Variants in STK36 observed in about 807,000 individuals in gnomAD.
The protein encoded by STK36 is serine/threonine kinase 36.
In STK36, 116 loss-of-function variants were observed where a neutral mutation model predicts 142.2. That is an observed-to-expected ratio of 0.82 (90% CI 0.70 to 0.95). The LOEUF is 0.95. Among genes scored for constraint, STK36 ranks in the 40% least tolerant of loss-of-function variants. The pLI is 0.00. For missense variants in STK36, 1,422 were observed against 1,617.2 expected, an observed-to-expected ratio of 0.88 and a Z score of 2.07; for synonymous variants, 619 against 641.7, an observed-to-expected ratio of 0.96 and a Z score of 0.53.
At position 218,699,182 on chromosome 2, in the gene STK36, C is replaced by T. The variant is rs1318088320; in HGVS notation, c.3638C>T (p.Ala1213Val). 6.2e-7 allele frequency: 1 copy of T among 1,614,112 alleles called. No individual in the cohort carries two copies. Among genetic ancestry groups the T allele is most frequent in the African/African-American group, 1.3e-5 (1 of 75,028 alleles). Residue 1213 changes from alanine to valine, a missense_variant, in exon 26 of 27, where the codon GCA becomes GTA. By Grantham distance (64) the Ala-to-Val change is moderately conservative. Coordinates refer to ENST00000295709, the MANE Select transcript of STK36 (RefSeq NM_015690.5). ...DPQAGIRRNVASALGNLGPEG... is the reference protein window; with the variant it reads ...DPQAGIRRNVVSALGNLGPEG... ...CAGGCTGGTATCCGGCGCAATGTTG[C>T]ATCAGCTCTGGGCAACTTGGGACCT...
Position 218,699,186 on chromosome 2 carries a change from A to G in STK36, c.3642A>G (p.Ser1214=), listed in dbSNP as rs1941354063. Residue 1214 remains serine, a synonymous_variant, in exon 26 of 27, where the codon TCA becomes TCG. Transcript: ENST00000295709. ...PQAGIRRNVA[S]ALGNLGPEGL... is the part of the protein sequence containing the mutation. The stretch of plus-strand genomic sequence containing the variant: ...CTGGTATCCGGCGCAATGTTGCATC[A>G]GCTCTGGGCAACTTGGGACCTGAAG... 2.5e-6 allele frequency: 4 copies of G among 1,614,110 alleles called. No individual in the cohort carries two copies. Among genetic ancestry groups the G allele is most frequent in the East Asian group, 4.5e-5 (2 of 44,856 alleles).
At chr2:218,683,986 A>G (rs1043565498) in intron 10 of STK36, among the ~76,000 whole-genome samples, 25 of 144,340 alleles carry the variant, frequency 1.7e-4, no homozygotes, top group Admixed American at 1.5e-3. Flanking sequence ...TTTTAAAGAG[A>G]CAGAGCCTTA....
chr2:218,690,985 G>A (rs1441328195), intron 14 of STK36, among the ~76,000 whole-genome samples: 1 of 152,130 alleles, frequency 6.6e-6, no homozygotes, highest in East Asian at 1.9e-4. Context: ...TATACAGAAA[G>A]AGTAACATAT....
chr2:218,701,823 T>G, intron 26 of STK36, 43 bp from the exon 27 acceptor site: 2 of 1,604,642 alleles, frequency 1.2e-6, no homozygotes, highest in Non-Finnish European at 1.7e-6. Context: ...CCACCATTTC[T>G]GAGCCTCATG....
At position 218,693,943 on chromosome 2, in the gene STK36, C is replaced by T. The variant is rs1222215013; in HGVS notation, c.2296C>T (p.Leu766Phe). ...EESTEVTLYFLSLLVFRLQNL... is the reference protein window; with the variant it reads ...EESTEVTLYFFSLLVFRLQNL... ...GTCTACTGAAGTGACACTCTACTTCCTCTCCCTTCTTGTCTTTCGGCTCCA... is the reference window on the plus strand; with the variant it reads ...GTCTACTGAAGTGACACTCTACTTCTTCTCCCTTCTTGTCTTTCGGCTCCA... Residue 766 changes from leucine to phenylalanine, a missense_variant, in exon 19 of 27, where the codon CTC becomes TTC. By Grantham distance (22) the Leu-to-Phe change is conservative (BLOSUM62 0). Transcript: ENST00000295709. The T allele has an allele frequency of 6.2e-7, 1 of 1,614,144 alleles. No individual in the cohort carries two copies. The highest frequency in any genetic ancestry group is 8.5e-7 in the Non-Finnish European group (1 of 1,180,032).
At position 218,701,780 on chromosome 2, in the gene STK36, G is replaced by A. The variant is rs1024953824; in HGVS notation, c.3805-86G>A. ...CCTCTTCTCGAGTGGGAATTCCTGG[G>A]TAAATGAGAGTCCTCCGCACCTGCC... On this transcript the variant is annotated intron_variant, in intron 26 of 26. Coordinates refer to ENST00000295709, the MANE Select transcript of STK36 (RefSeq NM_015690.5). 4.7e-6 allele frequency: 7 copies of A among 1,496,844 alleles called. No homozygotes were observed. In the South Asian group the frequency reaches 9.3e-5, roughly 20 times the overall value. 92.7% of individuals were successfully genotyped at this position (1,496,844 alleles called of 1,614,324 possible).
At chr2:218,685,312 A>G (rs1055971473) in intron 11 of STK36, 84 bp downstream of exon 11, 11 of 1,542,386 alleles carry the variant, frequency 7.1e-6, no homozygotes, top group Non-Finnish European at 9.7e-6. Flanking sequence ...CAGGAGAAAG[A>G]GAAAGTTTGT....
rs778462960 is a variant in STK36, at chr2:218,680,576, G to A, written c.1137-27G>A. On this transcript the variant is annotated intron_variant, in intron 9 of 26. Coordinates refer to ENST00000295709, the MANE Select transcript of STK36 (RefSeq NM_015690.5). ...CCTAAGAGTCATAGGTTTGGAACCC[G>A]TTCTACCCCTTGGCTTCCTCCGGCA... The A allele has an allele frequency of 3.0e-5, 48 of 1,593,054 alleles. 1 individual carries two copies. The highest frequency in any genetic ancestry group is 1.9e-4 in the Admixed American group (11 of 57,828).
chr2:218,690,611 C>A, intron 14 of STK36, 56 bp downstream of exon 14: 1 of 1,379,740 alleles, frequency 7.2e-7, no homozygotes, highest in Non-Finnish European at 1.0e-6. Context: ...CGTGTTTCTC[C>A]CATCCCCTTT....
chr2:218,681,839 TC>T (rs758859376), intron 10 of STK36, among the ~76,000 whole-genome samples: 3 of 152,264 alleles, frequency 2.0e-5, no homozygotes, highest in East Asian at 1.9e-4. Flanking sequence ...AGGCGCTGCC[TC>T]CTAACACTGG....
intron 6 of STK36, among the ~76,000 whole-genome samples, chr2:218,677,360 T>TA (rs1458516140): frequency 6.6e-6 from 1 of 152,214 alleles, no homozygotes; most frequent in East Asian, 1.9e-4. Flanking sequence ...CATTGGGTAT[T>TA]ACAATTCGAC....
At position 218,692,135 on chromosome 2, in the gene STK36, T is replaced by C. The variant is rs1477797479; in HGVS notation, c.1765-8T>C. 1 of 1,613,002 alleles carries C rather than the reference T, an allele frequency of 6.2e-7. No individual in the cohort carries two copies. Among genetic ancestry groups the C allele is most frequent in the East Asian group, 2.2e-5 (1 of 44,850 alleles). ...CCCTGATGCTACCTCTGCACTTCTC[T>C]CCTTTAGTGCTTTACTGTCCTGTGC... On this transcript the variant is annotated splice_polypyrimidine_tract_variant and splice_region_variant and intron_variant, in intron 14 of 26. Coordinates refer to ENST00000295709, the MANE Select transcript of STK36 (RefSeq NM_015690.5).
chr2:218,692,069 A>C, intron 14 of STK36, 74 bp from the exon 15 acceptor site: 1 of 1,539,438 alleles, frequency 6.5e-7, no homozygotes, highest in Non-Finnish European at 8.8e-7. Context: ...TCAGATCCTC[A>C]GGGTTTTCTT....
intron 10 of STK36, among the ~76,000 whole-genome samples, chr2:218,682,247 A>G (rs1940556658): frequency 6.6e-6 from 1 of 152,156 alleles, no homozygotes; most frequent in Non-Finnish European, 1.5e-5. Flanking sequence ...CTTTTACCCC[A>G]AATTCATCAG....
At chr2:218,701,785 T>G in intron 26 of STK36, 81 bp from the exon 27 acceptor site, 16 of 1,518,146 alleles carry the variant, frequency 1.1e-5, no homozygotes, top group Non-Finnish European at 1.3e-5. Context: ...CCTGGGTAAA[T>G]GAGAGTCCTC....
chr2:218,696,034 T>C lies in STK36; in HGVS notation c.2512-493T>C, dbSNP rs1185551965. Among the ~76,000 whole-genome samples the C allele has an allele frequency of 2.1e-5, 3 of 144,888 alleles. No homozygotes were observed. In the East Asian group the frequency reaches 6.3e-4, roughly 30 times the overall value. On this transcript the variant is annotated intron_variant, in intron 21 of 26. Transcript: ENST00000295709. Reference sequence around the variant, plus strand: ...GCACACCTCCATGCCCAGCTAATTTTTGTATTTTTAGTAGAGACGGGGTTT... The same window carrying C: ...GCACACCTCCATGCCCAGCTAATTTCTGTATTTTTAGTAGAGACGGGGTTT...
chr2:218,684,944 GA>G (rs1451308519), intron 10 of STK36, 140 bp from the exon 11 acceptor site: 2 of 1,001,220 alleles, frequency 2.0e-6, no homozygotes, highest in Non-Finnish European at 2.9e-6. Flanking sequence ...TTTAGCAGGT[GA>G]CTGAAGATAT....
At chr2:218,677,586 C>T (rs1287893004) in intron 6 of STK36, among the ~76,000 whole-genome samples, 1 of 152,166 alleles carries the variant, frequency 6.6e-6, no homozygotes. Flanking sequence ...TCTTACATGC[C>T]ATCTATTCCA....
At chr2:218,676,423 G>T in intron 6 of STK36, 145 bp downstream of exon 6, 1 of 1,125,152 alleles carries the variant, frequency 8.9e-7, no homozygotes. Context: ...TTCTCGCATT[G>T]CTATACAGAA....
Sources: allele counts gnomAD v4.1 joint callset (sites outside exome capture counted in the v4.1 genomes callset), GRCh38; gene constraint gnomAD v4.1.1; transcripts MANE v1.5; gene names NCBI Gene and HGNC (gene_info 2026-07-23, HGNC 2026-07-21).